Variants in DNAH14 observed in about 807,000 individuals in gnomAD.
DNAH14 encodes the protein dynein axonemal heavy chain 14.
Under a neutral mutation model 520.9 loss-of-function variants are expected in DNAH14, and 478 were observed. The ratio of observed to expected loss-of-function variants is 0.92; its 90% CI spans 0.85 to 0.99. The LOEUF (loss-of-function observed/expected upper bound fraction) is 0.99. DNAH14 is among the 50% of genes least tolerant of loss of function. DNAH14 has a pLI of 0.00. For missense variants in DNAH14, 4,831 were observed against 5,234.5 expected, an observed-to-expected ratio of 0.92 and a Z score of 2.38; for synonymous variants, 1,581 against 1,757.2, an observed-to-expected ratio of 0.90 and a Z score of 2.51.
intron 7 of DNAH14, among the ~76,000 whole-genome samples, chr1:224,972,272 GACTT>G (rs1222866633): frequency 1.8e-4 from 28 of 151,872 alleles, no homozygotes; most frequent in Middle Eastern, 3.4e-3. Flanking sequence ...AATTAATATA[GACTT>G]ACTTAATTTT....
At chr1:225,006,730 A>G (rs943528271) in intron 9 of DNAH14, among the ~76,000 whole-genome samples, 5 of 152,140 alleles carry the variant, frequency 3.3e-5, no homozygotes, top group African/African-American at 7.2e-5. Flanking sequence ...CAGTAATTCT[A>G]ATTTTGCCCT....
chr1:225,343,943 T>C (rs2095243462), intron 69 of DNAH14, among the ~76,000 whole-genome samples: 1 of 152,206 alleles, frequency 6.6e-6, no homozygotes. Flanking sequence ...TATTTTGCTA[T>C]AACCTTCACC....
In DNAH14 at chr1:224,967,502, A is replaced by G. The variant is rs763771594; in HGVS notation, c.570A>G (p.Pro190=). 103 of 1,603,510 alleles carry G rather than the reference A, an allele frequency of 6.4e-5. 1 individual carries two copies. In the South Asian group the frequency reaches 7.5e-4, roughly 12 times the overall value. ...AAAGTCCTAAATCCCTTTACAATCC[A>G]TATGATCTTCAGGTAGTATCGGCTC... The part of the protein sequence containing the change: ...PRKSPKSLYN[P]YDLQVVSAHT... The change falls in exon 6 of 86, where the codon CCA becomes CCG. Residue 190 remains proline (P), a synonymous_variant. Transcript: ENST00000682510.
chr1:225,371,477 T>G (rs931124160), intron 77 of DNAH14, among the ~76,000 whole-genome samples: 1 of 152,104 alleles, frequency 6.6e-6, no homozygotes. Context: ...TTATTCCACA[T>G]AGTCAAACAC....
chr1:225,134,770 AT>A (rs1434801420), intron 27 of DNAH14, among the ~76,000 whole-genome samples: 1 of 152,062 alleles, frequency 6.6e-6, no homozygotes, highest in African/African-American at 2.4e-5. Flanking sequence ...TTCCTCTTCA[AT>A]TTTTTGGAAT....
At chr1:224,936,432 A>G (rs574828769) in intron 1 of DNAH14, among the ~76,000 whole-genome samples, 9 of 151,982 alleles carry the variant, frequency 5.9e-5, no homozygotes, top group African/African-American at 2.2e-4. Context: ...ATAGATTATT[A>G]TGAATAACTG....
Position 225,270,786 on chromosome 1 carries a change from A to G in DNAH14, c.7591A>G (p.Ile2531Val). 1 of 1,551,284 alleles carries G rather than the reference A, an allele frequency of 6.4e-7. No homozygotes were observed. Among genetic ancestry groups the G allele is most frequent in the South Asian group, 1.2e-5 (1 of 84,060 alleles). The stretch of plus-strand genomic sequence containing the variant: ...AGCTTGTGTTCCAGTTGTGAATGAT[A>G]TCAGCCCACGTCTTCTCAAACACTT... ...VAACVPVVNDISPRLLKHFSM... is the reference protein window; with the variant it reads ...VAACVPVVNDVSPRLLKHFSM... The change falls in exon 50 of 86, where the codon ATC becomes GTC. Residue 2531 changes from isoleucine to valine, a missense_variant. Ile to Val is a conservative substitution (Grantham distance 29). Coordinates refer to ENST00000682510, the MANE Select transcript of DNAH14 (RefSeq NM_001367479.1).
rs2094131196 is a variant in DNAH14, at chr1:225,301,137, T to C, written c.8631+107T>C. 3.2e-6 allele frequency: 4 copies of C among 1,267,624 alleles called. No individual in the cohort carries two copies. In the South Asian group the frequency reaches 4.9e-5, roughly 15 times the overall value. The allele number at this position is 1,267,624 out of a possible 1,614,324, so 78.5% of individuals were successfully genotyped here. Reference sequence around the variant, plus strand: ...TGGATATAATTTCTTTAGATCTTTATATGAGTTTTTAAGGTAAAATAATGG... The same window carrying C: ...TGGATATAATTTCTTTAGATCTTTACATGAGTTTTTAAGGTAAAATAATGG... On this transcript the variant is annotated intron_variant, in intron 56 of 85. Coordinates refer to ENST00000682510, the MANE Select transcript of DNAH14 (RefSeq NM_001367479.1).
chr1:225,293,678 G>A (rs796496747), intron 55 of DNAH14, among the ~76,000 whole-genome samples: 4 of 152,254 alleles, frequency 2.6e-5, no homozygotes, highest in African/African-American at 9.6e-5. Context: ...TGAAGGGTGG[G>A]AGGAGGGAGA....
intron 10 of DNAH14, among the ~76,000 whole-genome samples, chr1:225,019,738 C>T (rs1480510078): frequency 6.6e-6 from 1 of 152,102 alleles, no homozygotes; most frequent in East Asian, 1.9e-4. Flanking sequence ...ACAGCTCAAG[C>T]ACAACCAGCT....
intron 61 of DNAH14, among the ~76,000 whole-genome samples, chr1:225,322,200 C>T (rs1249243975): frequency 6.9e-6 from 1 of 145,822 alleles, no homozygotes. Context: ...AAGCAATTCT[C>T]CTGCTTCAGT....
intron 77 of DNAH14, among the ~76,000 whole-genome samples, chr1:225,374,461 A>G (rs933153736): frequency 6.6e-6 from 1 of 151,214 alleles, no homozygotes; most frequent in Non-Finnish European, 1.5e-5. Flanking sequence ...GGGTTTCACC[A>G]TGTTGGTCAG....
chr1:224,979,678 C>T (rs549236214), intron 8 of DNAH14, among the ~76,000 whole-genome samples: 2 of 152,272 alleles, frequency 1.3e-5, no homozygotes, highest in Non-Finnish European at 2.9e-5. Context: ...AGTGCTTGCA[C>T]CTACCTCCGC....
chr1:225,102,510 G>A (rs1044038311), intron 23 of DNAH14, among the ~76,000 whole-genome samples: 13 of 152,150 alleles, frequency 8.5e-5, no homozygotes, highest in African/African-American at 3.1e-4. Flanking sequence ...CCCACCAACA[G>A]TGTAAAAGTG....
At chr1:225,228,462 TG>T (rs1419476782) in intron 41 of DNAH14, among the ~76,000 whole-genome samples, 1 of 146,424 alleles carries the variant, frequency 6.8e-6, no homozygotes, top group African/African-American at 2.6e-5. Context: ...ACAACACCTC[TG>T]GGGAAACTGA....
chr1:224,980,043 G>A (rs749019812), intron 8 of DNAH14, among the ~76,000 whole-genome samples: 1 of 152,146 alleles, frequency 6.6e-6, no homozygotes, highest in Non-Finnish European at 1.5e-5. Flanking sequence ...CTGGCTTCAG[G>A]TGAGACCCAG....
chr1:225,053,915 A>G (rs1188309739), intron 17 of DNAH14, among the ~76,000 whole-genome samples: 1 of 152,216 alleles, frequency 6.6e-6, no homozygotes, highest in Non-Finnish European at 1.5e-5. Context: ...GTGAATGACA[A>G]TGCCTTGTTT....
intron 66 of DNAH14, among the ~76,000 whole-genome samples, chr1:225,335,886 T>C (rs1178842452): frequency 3.5e-4 from 11 of 31,660 alleles, no homozygotes; most frequent in South Asian, 1.6e-3. Context: ...TACATATATG[T>C]ACATATACAT....
At chr1:225,193,358 A>G (rs115042309) in intron 38 of DNAH14, among the ~76,000 whole-genome samples, 1,850 of 152,246 alleles carry the variant, frequency 0.012, 18 homozygotes, top group Non-Finnish European at 0.019. Flanking sequence ...GGTAAATATC[A>G]TTAGATAAAA....
Sources: gnomAD v4.1 joint callset for allele counts (sites outside exome capture counted in the v4.1 genomes callset) on GRCh38, gnomAD v4.1.1 for gene constraint, MANE v1.5 for transcripts, NCBI Gene and HGNC (gene_info 2026-07-23, HGNC 2026-07-21) for gene names.